The following MRPL13 variants were observed in gnomAD, a reference collection of about 807,000 sequenced individuals.
MRPL13 encodes the protein large ribosomal subunit protein uL13m.
In MRPL13, 33 loss-of-function variants were observed where a neutral mutation model predicts 29.0. That is an observed-to-expected ratio of 1.14 (90% CI 0.86 to 1.52). MRPL13 has a LOEUF of 1.52. MRPL13 is among the 40% of genes most tolerant of loss of function. The probability of loss-of-function intolerance (pLI) is 0.00; values close to 1 mark genes in which losing one functional copy is unlikely to be tolerated. For synonymous variants in MRPL13, 77 were observed against 68.4 expected (o/e 1.13, Z -0.62); for missense variants, 227 against 216.7 (o/e 1.05, Z -0.30).
chr8:120,404,370 A>T (rs922261262), intron 6 of MRPL13, among the ~76,000 whole-genome samples: 4 of 152,212 alleles, frequency 2.6e-5, no homozygotes, highest in African/African-American at 9.6e-5. Flanking sequence ...TGGAATTTAG[A>T]AGTAAAATTG....
At chr8:120,426,657 G>A (rs1812934495) in intron 3 of MRPL13, among the ~76,000 whole-genome samples, 1 of 152,102 alleles carries the variant, frequency 6.6e-6, no homozygotes, top group South Asian at 2.1e-4. Context: ...AGTGGAGGAT[G>A]ACTTGAGTAA....
At chr8:120,407,119 C>T (rs1420710005) in intron 6 of MRPL13, among the ~76,000 whole-genome samples, 6 of 152,160 alleles carry the variant, frequency 3.9e-5, no homozygotes, top group Non-Finnish European at 8.8e-5. Flanking sequence ...AAGCAAAATA[C>T]TGCTACTCAT....
At chr8:120,442,186 C>T (rs1438459277) in intron 2 of MRPL13, among the ~76,000 whole-genome samples, 1 of 151,978 alleles carries the variant, frequency 6.6e-6, no homozygotes, top group East Asian at 1.9e-4. Context: ...CCAGAATAGT[C>T]AAAACTAAAA....
intron 6 of MRPL13, among the ~76,000 whole-genome samples, chr8:120,401,181 T>C (rs1224860333): frequency 1.3e-5 from 2 of 152,126 alleles, no homozygotes; most frequent in African/African-American, 4.8e-5. Context: ...TACCAAAATC[T>C]AGCAGAGGTA....
At chr8:120,404,745 G>A (rs1168853923) in intron 6 of MRPL13, among the ~76,000 whole-genome samples, 1 of 152,190 alleles carries the variant, frequency 6.6e-6, no homozygotes, top group Non-Finnish European at 1.5e-5. Context: ...TCATTCTACA[G>A]TGACAAAACT....
intron 6 of MRPL13, among the ~76,000 whole-genome samples, chr8:120,396,748 T>C (rs965333271): frequency 2.0e-5 from 3 of 152,200 alleles, no homozygotes; most frequent in African/African-American, 7.2e-5. Flanking sequence ...AAATTAAACA[T>C]AGGAAATTAT....
At chr8:120,421,611 C>T (rs1018438757) in intron 4 of MRPL13, among the ~76,000 whole-genome samples, 14 of 151,808 alleles carry the variant, frequency 9.2e-5, no homozygotes, top group Admixed American at 9.2e-4. Flanking sequence ...TTTTTCAAAA[C>T]ATAGTAAAAA....
At chr8:120,434,615 T>C (rs1813031939) in intron 2 of MRPL13, among the ~76,000 whole-genome samples, 1 of 152,106 alleles carries the variant, frequency 6.6e-6, no homozygotes, top group Non-Finnish European at 1.5e-5. Flanking sequence ...ATTGATCACG[T>C]ATTCTTTTCT....
intron 2 of MRPL13, among the ~76,000 whole-genome samples, chr8:120,437,004 C>T (rs1813062366): frequency 6.6e-6 from 1 of 152,006 alleles, no homozygotes; most frequent in Non-Finnish European, 1.5e-5. Context: ...GTAACATGCA[C>T]CAAGGCATAT....
At chr8:120,429,284 G>A (rs1252452668) in intron 3 of MRPL13, among the ~76,000 whole-genome samples, 1 of 152,010 alleles carries the variant, frequency 6.6e-6, no homozygotes, top group Non-Finnish European at 1.5e-5. Flanking sequence ...ACTTATAAGT[G>A]GAAGCTCAAT....
intron 3 of MRPL13, among the ~76,000 whole-genome samples, chr8:120,427,734 T>C (rs1309126853): frequency 5.9e-5 from 9 of 151,908 alleles, no homozygotes; most frequent in Non-Finnish European, 1.3e-4. Flanking sequence ...AAGGCTGAGG[T>C]GTGAGGACTT....
chr8:120,420,375 C>T (rs1446785423), intron 4 of MRPL13, among the ~76,000 whole-genome samples: 1 of 150,100 alleles, frequency 6.7e-6, no homozygotes, highest in Non-Finnish European at 1.5e-5. Flanking sequence ...AATGGGTTAC[C>T]ATATACATTT....
chr8:120,402,736 T>G (rs1812613970), intron 6 of MRPL13, among the ~76,000 whole-genome samples: 1 of 152,230 alleles, frequency 6.6e-6, no homozygotes, highest in African/African-American at 2.4e-5. Flanking sequence ...AGAAAATGTT[T>G]GTAATCTATC....
intron 6 of MRPL13, among the ~76,000 whole-genome samples, chr8:120,405,968 T>C (rs1332457694): frequency 6.6e-6 from 1 of 152,234 alleles, no homozygotes; most frequent in African/African-American, 2.4e-5. Flanking sequence ...TAGGTGAATG[T>C]ATATTGTACA....
At chr8:120,435,915 T>C (rs1200212401) in intron 2 of MRPL13, among the ~76,000 whole-genome samples, 2 of 152,194 alleles carry the variant, frequency 1.3e-5, no homozygotes, top group Non-Finnish European at 2.9e-5. Flanking sequence ...GTTGACTGTA[T>C]GTAAGTCTTC....
At chr8:120,444,144 C>T (rs1196588900) in intron 1 of MRPL13, among the ~76,000 whole-genome samples, 2 of 151,640 alleles carry the variant, frequency 1.3e-5, no homozygotes, top group South Asian at 4.2e-4. Flanking sequence ...TAGTTTGATA[C>T]TTAGAAAAAA....
chr8:120,423,079 T>C (rs1398190539), intron 4 of MRPL13, among the ~76,000 whole-genome samples: 1 of 151,694 alleles, frequency 6.6e-6, no homozygotes, highest in African/African-American at 2.4e-5. Context: ...CTATTGAAAC[T>C]GATCAACAAA....
In MRPL13 at chr8:120,438,321, G is replaced by T. The variant is rs762735498; in HGVS notation, c.151+4864C>A. Among the ~76,000 whole-genome samples, 48 of 152,184 alleles carry T rather than the reference G, an allele frequency of 3.2e-4. 1 individual carries two copies. The highest frequency in any genetic ancestry group is 1.2e-4 in the Non-Finnish European group (8 of 68,036). On this transcript the variant is annotated intron_variant, in intron 2 of 6. Transcript: ENST00000306185. The stretch of plus-strand genomic sequence containing the variant: ...GCTCCATTGCACTGCAGCCTGGATG[G>T]CAGAGTAAGACCCTGTCTCAAAACA...
chr8:120,435,473 TC>T lies in MRPL13; in HGVS notation c.152-3351del, dbSNP rs201457675. On this transcript the variant is annotated intron_variant, in intron 2 of 6. Transcript: ENST00000306185. ...GAACATGCAGTATTTGGTTTTCTGT[TC>T]CTGTGTTAGTTTACTTAGGATTATG... Among the ~76,000 whole-genome samples the T allele has an allele frequency of 6.7e-3, 1,026 of 152,178 alleles. 8 individuals are homozygous for T. The highest frequency in any genetic ancestry group is 0.023 in the African/African-American group (972 of 41,522).
Sources: gnomAD v4.1 joint callset for allele counts (sites outside exome capture counted in the v4.1 genomes callset) on GRCh38, gnomAD v4.1.1 for gene constraint, MANE v1.5 for transcripts, NCBI Gene and HGNC (gene_info 2026-07-23, HGNC 2026-07-21) for gene names.